Variants in MTARC1 observed in about 807,000 individuals in gnomAD.
The protein encoded by MTARC1 is mitochondrial amidoxime-reducing component 1.
In MTARC1, 24 loss-of-function variants were observed where a neutral mutation model predicts 33.6. The observed-to-expected ratio is 0.72, with a 90% CI of 0.52 to 1.01. MTARC1 has a LOEUF of 1.01. Among genes scored for constraint, MTARC1 ranks in the 50% least tolerant of loss-of-function variants. The probability of loss-of-function intolerance (pLI) is 0.00; values close to 1 mark genes in which losing one functional copy is unlikely to be tolerated. For missense variants in MTARC1, 417 were observed against 445.7 expected (o/e 0.94, Z 0.58); for synonymous variants, 187 against 189.5 (o/e 0.99, Z 0.11).
At chr1:220,798,231 G>A (rs1354368643) in intron 4 of MTARC1, 2 of 1,477,934 alleles carry the variant, frequency 1.4e-6, no homozygotes, top group Non-Finnish European at 1.8e-6. Context: ...CATCAAGGAG[G>A]CAGTTCAGTA....
chr1:220,792,283 G>T (rs1250786464), intron 2 of MTARC1, among the ~76,000 whole-genome samples: 5 of 152,146 alleles, frequency 3.3e-5, no homozygotes, highest in African/African-American at 1.2e-4. Flanking sequence ...ACATCAGAAG[G>T]GCTGCAATGA....
At chr1:220,800,079 T>C (rs183405130) in intron 4 of MTARC1, among the ~76,000 whole-genome samples, 4 of 152,290 alleles carry the variant, frequency 2.6e-5, no homozygotes, top group African/African-American at 9.6e-5. Context: ...TGAAGCCATT[T>C]CCACCCCAAA....
In MTARC1 at chr1:220,813,446, A is replaced by T; in HGVS notation, c.*28A>T. 1 of 1,610,524 alleles carries T rather than the reference A, an allele frequency of 6.2e-7. No individual in the cohort carries two copies. Among genetic ancestry groups the T allele is most frequent in the Non-Finnish European group, 8.5e-7 (1 of 1,177,392 alleles). ...GGAACCGTATGTCCTGGAATATTAG[A>T]TGCCTTTTAAAAATGTTCTCAAAAA... On this transcript the variant is annotated 3_prime_UTR_variant, in exon 7 of 7. Transcript: ENST00000366910.
chr1:220,796,927 C>T (rs1175734867), intron 3 of MTARC1, 122 bp downstream of exon 3: 3 of 990,682 alleles, frequency 3.0e-6, no homozygotes, highest in Non-Finnish European at 4.4e-6. Context: ...TAGCTCAGAT[C>T]ACAAGCAGTA....
rs375617476 is a variant in MTARC1 at position 220,805,107 on chromosome 1, G to T, written c.809G>T (p.Cys270Phe). Residue 270 changes from cysteine (C) to phenylalanine (F), a missense_variant, in exon 5 of 7, where the codon TGT becomes TTT. Cys to Phe is a radical substitution (Grantham distance 205). Transcript: ENST00000366910. The stretch of plus-strand genomic sequence containing the variant: ...GTGGAACTGAAAAGGGTGATGGCTT[G>T]TTCCAGGTAAGGTGCTTTCCTGTCC... Reference protein sequence around the residue: ...GDVELKRVMACSRCILTTVDP... With the variant: ...GDVELKRVMAFSRCILTTVDP... 4.9e-5 allele frequency: 79 copies of T among 1,614,072 alleles called. No individual in the cohort carries two copies. Among genetic ancestry groups the T allele is most frequent in the Non-Finnish European group, 6.1e-5 (72 of 1,180,038 alleles).
At chr1:220,788,007 C>CAAAAAA (rs998849065) in intron 1 of MTARC1, among the ~76,000 whole-genome samples, 3 of 150,682 alleles carry the variant, frequency 2.0e-5, no homozygotes, top group East Asian at 2.0e-4. Flanking sequence ...GACTCCGAAT[C>CAAAAAA]AAAAAAAGAA....
chr1:220,792,652 G>GAAAAAAAAAAAA (rs60569026), intron 2 of MTARC1, among the ~76,000 whole-genome samples: 1 of 117,344 alleles, frequency 8.5e-6, no homozygotes. Context: ...GAAATACCAA[G>GAAAAAAAAAAAA]AAAAAAAAAA....
At chr1:220,795,355 T>C (rs1672576880) in intron 2 of MTARC1, among the ~76,000 whole-genome samples, 1 of 152,198 alleles carries the variant, frequency 6.6e-6, no homozygotes, top group African/African-American at 2.4e-5. Context: ...TTTGTGGAAA[T>C]GGAATGCTCA....
chr1:220,805,113 G>A lies in MTARC1; in HGVS notation c.815G>A (p.Arg272Lys), dbSNP rs903497513. ...CTGAAAAGGGTGATGGCTTGTTCCAGGTAAGGTGCTTTCCTGTCCCTGTGG... is the reference window on the plus strand; with the variant it reads ...CTGAAAAGGGTGATGGCTTGTTCCAAGTAAGGTGCTTTCCTGTCCCTGTGG... Reference protein sequence around the residue: ...VELKRVMACSRCILTTVDPDT... With the variant: ...VELKRVMACSKCILTTVDPDT... The change falls in exon 5 of 7, where the codon AGA becomes AAA. Residue 272 changes from arginine to lysine, a missense_variant and splice_region_variant. Coordinates refer to ENST00000366910, the MANE Select transcript of MTARC1 (RefSeq NM_022746.4). 3.1e-6 allele frequency: 5 copies of A among 1,614,046 alleles called. No individual in the cohort carries two copies. The highest frequency in any genetic ancestry group is 4.2e-6 in the Non-Finnish European group (5 of 1,180,036).
chr1:220,796,324 T>C (rs1320788003), intron 2 of MTARC1, among the ~76,000 whole-genome samples: 1 of 152,178 alleles, frequency 6.6e-6, no homozygotes, highest in Non-Finnish European at 1.5e-5. Flanking sequence ...GATACATTAG[T>C]TTTCTTCTGG....
In MTARC1 at chr1:220,805,210, T is replaced by C; in HGVS notation, c.823T>C (p.Leu275=). The change falls in exon 6 of 7, where the codon TTA becomes CTA. Residue 275 remains leucine (L), a synonymous_variant. Transcript: ENST00000366910. The part of the protein sequence containing the change: ...KRVMACSRCI[L]TTVDPDTGVM... ...CTCTGTGTGTGTGTCCAGATGCATT[T>C]TAACCACAGTGGACCCAGACACCGG... is the stretch of plus-strand genomic sequence containing the variant. The C allele has an allele frequency of 6.2e-7, 1 of 1,614,032 alleles. No homozygotes were observed. Among genetic ancestry groups the C allele is most frequent in the Non-Finnish European group, 8.5e-7 (1 of 1,180,040 alleles).
At chr1:220,788,755 G>T (rs946575649) in intron 1 of MTARC1, among the ~76,000 whole-genome samples, 1 of 149,226 alleles carries the variant, frequency 6.7e-6, no homozygotes, top group Admixed American at 6.7e-5. Context: ...CAGAGATCTC[G>T]CCACTGCACT....
intron 3 of MTARC1, 142 bp downstream of exon 3, chr1:220,796,947 A>G (rs906074908): frequency 4.2e-5 from 37 of 880,754 alleles, no homozygotes; most frequent in Non-Finnish European, 6.1e-5. Flanking sequence ...AGGCAGAAAT[A>G]AAGCCCTTCC....
chr1:220,788,822 G>A (rs561808493), intron 1 of MTARC1, among the ~76,000 whole-genome samples: 81 of 150,940 alleles, frequency 5.4e-4, no homozygotes, highest in Non-Finnish European at 9.7e-4. Flanking sequence ...TCCATGTTTC[G>A]TATAGTAGGC....
At chr1:220,801,969 C>T (rs1004420427) in intron 4 of MTARC1, among the ~76,000 whole-genome samples, 1 of 152,060 alleles carries the variant, frequency 6.6e-6, no homozygotes, top group Non-Finnish European at 1.5e-5. Flanking sequence ...GTAGAGACAA[C>T]CACCCTACCT....
rs1199347423 is a variant in MTARC1 at position 220,813,670 on chromosome 1, A to G, written c.*252A>G. On this transcript the variant is annotated 3_prime_UTR_variant, in exon 7 of 7. Coordinates refer to ENST00000366910, the MANE Select transcript of MTARC1 (RefSeq NM_022746.4). Reference sequence around the variant, plus strand: ...TAAATGACAAGACAGGATTCTGAAAACTCCCCGTTTAACTGATTATGGAAT... The same window carrying G: ...TAAATGACAAGACAGGATTCTGAAAGCTCCCCGTTTAACTGATTATGGAAT... 1.2e-5 allele frequency: 5 copies of G among 417,126 alleles called. No homozygotes were observed. In the Admixed American group the frequency reaches 1.5e-4, roughly 12 times the overall value. The allele number at this position is 417,126 out of a possible 1,614,324, so 25.8% of individuals were successfully genotyped here.
intron 1 of MTARC1, among the ~76,000 whole-genome samples, chr1:220,787,849 A>C (rs144520712): frequency 5.9e-5 from 9 of 151,858 alleles, no homozygotes; most frequent in Admixed American, 2.0e-4. Flanking sequence ...AACAAACAAA[A>C]AAACAAAAAT....
intron 2 of MTARC1, among the ~76,000 whole-genome samples, chr1:220,792,009 G>T (rs1176749583): frequency 6.6e-6 from 1 of 152,132 alleles, no homozygotes. Context: ...TCCTAGCAGA[G>T]GTGAAACTCG....
intron 4 of MTARC1, among the ~76,000 whole-genome samples, chr1:220,800,191 CCCGTA>C (rs1190029406): frequency 8.8e-6 from 1 of 113,410 alleles, no homozygotes; most frequent in Non-Finnish European, 1.9e-5. Flanking sequence ...ACTCTAAAAA[CCCGTA>C]TCTCTCTCTC....
Sources: allele counts gnomAD v4.1 joint callset (sites outside exome capture counted in the v4.1 genomes callset), GRCh38; gene constraint gnomAD v4.1.1; transcripts MANE v1.5; gene names NCBI Gene and HGNC (gene_info 2026-07-23, HGNC 2026-07-21).